DENND4C: variants seen among roughly 807,000 people sequenced by gnomAD.
The protein encoded by DENND4C is DENN domain-containing protein 4C.
In DENND4C, 108 loss-of-function variants were observed where a neutral mutation model predicts 203.0. That is an observed-to-expected ratio of 0.53 (90% confidence interval 0.46 to 0.62). The LOEUF (loss-of-function observed/expected upper bound fraction) is 0.62. Among genes scored for constraint, DENND4C ranks in the 20% least tolerant of loss-of-function variants. The pLI, the probability that DENND4C is intolerant of heterozygous loss-of-function variation, is 0.00. For missense variants in DENND4C, 2,481 were observed against 2,301.2 expected (o/e 1.08, Z -1.60); for synonymous variants, 871 against 792.4 (o/e 1.10, Z -1.67).
Position 19,358,621 on chromosome 9 carries a change from G to C in DENND4C, c.5160+461G>C, listed in dbSNP as rs142399014. On this transcript the variant is annotated intron_variant, in intron 28 of 32. Coordinates refer to ENST00000434457, the MANE Select transcript of DENND4C (RefSeq NM_001330640.2). The surrounding 1 kb of genome is among the most constrained non-coding windows in gnomAD (Gnocchi z 4.8). ...TGTCTCAAAAATGTCAAATGCATAT[G>C]TGTGCTTGTGTATGTGTGGGTTGTA... 8.4e-4 allele frequency among the ~76,000 whole-genome samples: 128 copies of C among 151,914 alleles called. 7 individuals are homozygous for C. The highest frequency in any genetic ancestry group is 3.0e-3 in the African/African-American group (124 of 41,244).
chr9:19,356,772 AAT>A (rs1825495187), intron 26 of DENND4C, among the ~76,000 whole-genome samples, 198 bp from the exon 27 acceptor site: 1 of 143,640 alleles, frequency 7.0e-6, no homozygotes, highest in Non-Finnish European at 1.5e-5. Context: ...TGAGAGCAGG[AAT>A]GTGTGTGTGT....
Position 19,350,770 on chromosome 9 carries a change from G to T in DENND4C, c.4386G>T (p.Ser1462=), listed in dbSNP as rs553153681. Residue 1462 remains serine, a synonymous_variant, in exon 24 of 33, where the codon TCG becomes TCT. Coordinates refer to ENST00000434457, the MANE Select transcript of DENND4C (RefSeq NM_001330640.2). ...ACCATATTTTGGGGGAGAATATATC[G>T]CCTAACACAAGTATCTCAGGGTTGG... ...LEDHILGENI[S]PNTSISGLVP... The T allele has an allele frequency of 1.9e-6, 3 of 1,613,708 alleles. No homozygotes were observed. The highest frequency in any genetic ancestry group is 1.7e-5 in the Admixed American group (1 of 59,958).
At chr9:19,241,596 G>C (rs1823742447) in intron 1 of DENND4C, among the ~76,000 whole-genome samples, 1 of 151,602 alleles carries the variant, frequency 6.6e-6, no homozygotes, top group Admixed American at 6.6e-5. Flanking sequence ...CACAAGGTCA[G>C]GATTATCAAT....
At chr9:19,340,426 G>T (rs1358196912) in intron 20 of DENND4C, among the ~76,000 whole-genome samples, 2 of 151,806 alleles carry the variant, frequency 1.3e-5, no homozygotes. Context: ...GGCTTCATTT[G>T]TTTCCATTTG....
intron 26 of DENND4C, 136 bp from the exon 27 acceptor site, chr9:19,356,836 A>C: frequency 2.7e-6 from 2 of 746,880 alleles, no homozygotes; most frequent in Non-Finnish European, 4.3e-6. Flanking sequence ...TATTGGAAAT[A>C]GGCCGTGTTT....
chr9:19,299,189 A>G (rs368242490), intron 7 of DENND4C, 40 bp from the exon 8 acceptor site: 3 of 1,462,364 alleles, frequency 2.1e-6, no homozygotes, highest in South Asian at 2.7e-5. Context: ...TGGTTTGGTT[A>G]ATTTATCTTT....
At chr9:19,335,503 C>T (rs956930656) in intron 18 of DENND4C, among the ~76,000 whole-genome samples, 1 of 152,132 alleles carries the variant, frequency 6.6e-6, no homozygotes, top group Non-Finnish European at 1.5e-5. Flanking sequence ...CTTCCAGTGT[C>T]CCCTTTCCCC....
At chr9:19,244,138 C>T (rs1440865291) in intron 1 of DENND4C, among the ~76,000 whole-genome samples, 1 of 152,002 alleles carries the variant, frequency 6.6e-6, no homozygotes, top group Non-Finnish European at 1.5e-5. Context: ...TTAAGCGATT[C>T]TCCTGCCTCA....
intron 1 of DENND4C, among the ~76,000 whole-genome samples, chr9:19,252,330 AGG>A (rs1826834274): frequency 6.6e-6 from 1 of 152,172 alleles, no homozygotes; most frequent in South Asian, 2.1e-4. Flanking sequence ...ACCTCTCACC[AGG>A]TTCCTCCCAT....
chr9:19,353,093 A>C (rs1824527373), intron 26 of DENND4C, among the ~76,000 whole-genome samples: 1 of 152,134 alleles, frequency 6.6e-6, no homozygotes, highest in Non-Finnish European at 1.5e-5. Context: ...TATATATTTT[A>C]GAAGAAACAA....
chr9:19,330,840 A>G (rs541526961), intron 16 of DENND4C, among the ~76,000 whole-genome samples: 59 of 152,106 alleles, frequency 3.9e-4, no homozygotes, highest in African/African-American at 1.4e-3. Context: ...ACCTGAGGTC[A>G]GGAGTTCTAG....
At chr9:19,288,523 T>C in intron 3 of DENND4C, 73 bp from the exon 4 acceptor site, 2 of 890,312 alleles carry the variant, frequency 2.2e-6, no homozygotes, top group Non-Finnish European at 3.0e-6. Context: ...AATGAATCTT[T>C]AGTTGGTATC....
Position 19,346,169 on chromosome 9 carries a change from A to T in DENND4C, c.3400A>T (p.Thr1134Ser). ...TGCCAAGATTCTCACAGCAGCATTGACATGTCCTAAGACTTCTCTACTTCA... is the reference window on the plus strand; with the variant it reads ...TGCCAAGATTCTCACAGCAGCATTGTCATGTCCTAAGACTTCTCTACTTCA... ...ADAKILTAAL[T>S]CPKTSLLHIA... is the part of the protein sequence containing the mutation. The change falls in exon 23 of 33, where the codon ACA (threonine) becomes TCA (serine). Residue 1134 changes from threonine to serine, a missense_variant. Around this residue, in one of 3 missense-constraint regions of DENND4C, gnomAD observed 2,289 missense variants for 2,113.3 expected, o/e 1.08. Coordinates refer to ENST00000434457, the MANE Select transcript of DENND4C (RefSeq NM_001330640.2). 1 of 1,614,246 alleles carries T rather than the reference A, an allele frequency of 6.2e-7. No homozygotes were observed. The highest frequency in any genetic ancestry group is 8.5e-7 in the Non-Finnish European group (1 of 1,180,036).
intron 1 of DENND4C, among the ~76,000 whole-genome samples, chr9:19,250,810 C>A (rs1370205559): frequency 6.6e-6 from 1 of 152,210 alleles, no homozygotes; most frequent in African/African-American, 2.4e-5. Flanking sequence ...GTCTCACGTC[C>A]AGGTCACACT....
At chr9:19,299,065 T>A (rs1362337665) in intron 7 of DENND4C, among the ~76,000 whole-genome samples, 164 bp from the exon 8 acceptor site, 4 of 152,164 alleles carry the variant, frequency 2.6e-5, no homozygotes, top group Non-Finnish European at 4.4e-5. Context: ...GCTATCATTT[T>A]ATATTTTAGT....
At chr9:19,240,173 A>G (rs1339931369) in intron 1 of DENND4C, among the ~76,000 whole-genome samples, 2 of 152,010 alleles carry the variant, frequency 1.3e-5, no homozygotes, top group Non-Finnish European at 2.9e-5. Flanking sequence ...CAATTTCTTT[A>G]TTGTGCAAGC....
chr9:19,319,527 A>G lies in DENND4C; in HGVS notation c.1807+2688A>G, dbSNP rs1023280002. On this transcript the variant is annotated intron_variant, in intron 12 of 32. Coordinates refer to ENST00000434457, the MANE Select transcript of DENND4C (RefSeq NM_001330640.2). ...TTGGGAAAAAAGATTAGATGGTACA[A>G]TTTGACCAGAGTGATGAGCTTTAGA... Among the ~76,000 whole-genome samples, 5 of 150,384 alleles carry G rather than the reference A, an allele frequency of 3.3e-5. No individual in the cohort carries two copies. In the East Asian group the frequency reaches 5.8e-4, roughly 18 times the overall value.
chr9:19,308,023 G>A (rs1840032955), intron 10 of DENND4C, among the ~76,000 whole-genome samples: 1 of 151,816 alleles, frequency 6.6e-6, no homozygotes, highest in Admixed American at 6.6e-5. Context: ...TACTTGAATA[G>A]TTTTCTGTGA....
chr9:19,240,285 A>G (rs1388066999), intron 1 of DENND4C, among the ~76,000 whole-genome samples: 1 of 152,204 alleles, frequency 6.6e-6, no homozygotes. Flanking sequence ...TGTACAGCAT[A>G]TTACTGTACT....
Sources: allele counts gnomAD v4.1 joint callset (sites outside exome capture counted in the v4.1 genomes callset), GRCh38; gene constraint gnomAD v4.1.1; regional missense constraint gnomAD v4.1.1; non-coding constraint Gnocchi (gnomAD v3.1); transcripts MANE v1.5; gene names NCBI Gene and HGNC (gene_info 2026-07-23, HGNC 2026-07-21).